Variants in BICC1 observed in about 807,000 individuals in gnomAD.
BICC1 encodes BicC family RNA binding protein 1.
BICC1 carries 43 observed loss-of-function variants against 111.0 expected under a neutral mutation model. That is an observed-to-expected ratio of 0.39 (90% CI 0.30 to 0.50). The LOEUF (loss-of-function observed/expected upper bound fraction) is 0.50. BICC1 is among the 20% of genes least tolerant of loss of function. The pLI is 0.88. For synonymous variants in BICC1, 467 were observed against 434.4 expected, an observed-to-expected ratio of 1.07 and a Z score of -0.93; for missense variants, 1,091 against 1,203.2, an observed-to-expected ratio of 0.91 and a Z score of 1.38.
intron 3 of BICC1, among the ~76,000 whole-genome samples, chr10:58,706,726 T>A (rs1406199737): frequency 2.0e-5 from 3 of 152,138 alleles, no homozygotes; most frequent in Non-Finnish European, 4.4e-5. Context: ...ACGCCCTCTC[T>A]CCCCTGCTGC....
At chr10:58,820,262 T>C (rs1564632233) in intron 19 of BICC1, 107 bp from the exon 20 acceptor site, 1 of 672,872 alleles carries the variant, frequency 1.5e-6, no homozygotes, top group Non-Finnish European at 2.5e-6. Flanking sequence ...TTTCTGGAAG[T>C]AGGCAGAGCA....
At chr10:58,770,060 C>T (rs1404787376) in intron 3 of BICC1, among the ~76,000 whole-genome samples, 3 of 152,060 alleles carry the variant, frequency 2.0e-5, no homozygotes, top group South Asian at 2.1e-4. Context: ...TTATAAATTT[C>T]GGTGTAATCT....
chr10:58,599,274 G>A (rs1338836312), intron 1 of BICC1, among the ~76,000 whole-genome samples: 16 of 152,128 alleles, frequency 1.1e-4, no homozygotes, highest in Non-Finnish European at 2.4e-4. Flanking sequence ...TAATAGACTG[G>A]ATAAAGAAAA....
rs558031043 is a variant in BICC1, at chr10:58,785,020, T to A, written c.327T>A (p.Ser109=). The A allele has an allele frequency of 3.8e-6, 6 of 1,595,044 alleles. No individual in the cohort carries two copies. In the South Asian group the frequency reaches 5.6e-5, roughly 15 times the overall value. The change falls in exon 4 of 21, where the codon TCT becomes TCA. Residue 109 remains serine, a synonymous_variant. Transcript: ENST00000373886. ...KSKKDPHIKV[S]GKKEDVKEAK... ...TTATAGATCCCCATATTAAGGTTTC[T>A]GGAAAGAAAGAAGATGTTAAAGAAG...
At chr10:58,819,107 C>G (rs1844181148) in intron 19 of BICC1, among the ~76,000 whole-genome samples, 1 of 152,114 alleles carries the variant, frequency 6.6e-6, no homozygotes, top group African/African-American at 2.4e-5. Flanking sequence ...GGAACACAGC[C>G]ACATTCATTT....
At chr10:58,655,684 C>T (rs1838618082) in intron 2 of BICC1, among the ~76,000 whole-genome samples, 2 of 100,762 alleles carry the variant, frequency 2.0e-5, no homozygotes, top group Admixed American at 1.2e-4. Flanking sequence ...TTTCCTTCTC[C>T]TGCCTAATTG....
rs536803239 is a variant in BICC1, at chr10:58,803,260, G to A, written c.2181+18G>A. 27 of 1,564,532 alleles carry A rather than the reference G, an allele frequency of 1.7e-5. 1 individual carries two copies. In the South Asian group the frequency reaches 3.2e-4, roughly 18 times the overall value. On this transcript the variant is annotated intron_variant, in intron 15 of 20. Transcript: ENST00000373886. ...ACATGCAGGTAATGGTAATAAAATA[G>A]GAAAGCCACTCAAATGTCATATGTT...
At chr10:58,685,168 A>G (rs1383416646) in intron 2 of BICC1, among the ~76,000 whole-genome samples, 1 of 152,104 alleles carries the variant, frequency 6.6e-6, no homozygotes, top group Non-Finnish European at 1.5e-5. Flanking sequence ...GTTTCTATGT[A>G]GTTGAGGGGT....
chr10:58,740,957 G>C (rs1841642696), intron 3 of BICC1, among the ~76,000 whole-genome samples: 2 of 152,204 alleles, frequency 1.3e-5, no homozygotes, highest in South Asian at 4.1e-4. Context: ...TAGGTGCCTG[G>C]ACTGTGAGAG....
intron 2 of BICC1, among the ~76,000 whole-genome samples, chr10:58,681,050 G>T (rs1839504836): frequency 6.6e-6 from 1 of 152,188 alleles, no homozygotes; most frequent in Admixed American, 6.5e-5. Flanking sequence ...TTAAATGTAA[G>T]ACCTAAAGCC....
At chr10:58,697,183 G>A (rs988160032) in intron 2 of BICC1, among the ~76,000 whole-genome samples, 7 of 152,094 alleles carry the variant, frequency 4.6e-5, no homozygotes, top group Admixed American at 1.3e-4. Context: ...AAACATTTTG[G>A]ACAACATATT....
intron 1 of BICC1, among the ~76,000 whole-genome samples, chr10:58,556,366 T>C (rs1160526401): frequency 2.0e-5 from 3 of 152,160 alleles, no homozygotes; most frequent in Non-Finnish European, 4.4e-5. Flanking sequence ...TTAAAAGTTA[T>C]TGAATTTCTT....
At chr10:58,801,895 A>C (rs1281351829) in intron 14 of BICC1, among the ~76,000 whole-genome samples, 1 of 152,166 alleles carries the variant, frequency 6.6e-6, no homozygotes, top group African/African-American at 2.4e-5. Flanking sequence ...TAGGCTAGAG[A>C]AACAGTTTTA....
chr10:58,752,638 G>A (rs1842020821), intron 3 of BICC1, among the ~76,000 whole-genome samples: 1 of 152,072 alleles, frequency 6.6e-6, no homozygotes, highest in African/African-American at 2.4e-5. Flanking sequence ...TATCTTAGAG[G>A]CACCGTTGAT....
intron 2 of BICC1, among the ~76,000 whole-genome samples, chr10:58,687,675 C>G (rs949234788): frequency 6.6e-6 from 1 of 152,176 alleles, no homozygotes; most frequent in African/African-American, 2.4e-5. Flanking sequence ...AAGCCTGGCA[C>G]GGGATATAAT....
At chr10:58,587,062 G>C (rs1003785721) in intron 1 of BICC1, among the ~76,000 whole-genome samples, 3 of 152,132 alleles carry the variant, frequency 2.0e-5, no homozygotes, top group African/African-American at 7.2e-5. Context: ...CATGAATATT[G>C]AGTGCCACGT....
At chr10:58,736,983 A>C (rs1282528548) in intron 3 of BICC1, among the ~76,000 whole-genome samples, 1 of 152,084 alleles carries the variant, frequency 6.6e-6, no homozygotes. Flanking sequence ...TTTTCACAAA[A>C]GTATGCTTTA....
intron 2 of BICC1, among the ~76,000 whole-genome samples, chr10:58,627,070 C>G (rs1413512156): frequency 6.6e-6 from 1 of 151,942 alleles, no homozygotes; most frequent in Non-Finnish European, 1.5e-5. Flanking sequence ...CCATTGCACT[C>G]CAGCCTGGGC....
intron 1 of BICC1, among the ~76,000 whole-genome samples, chr10:58,564,587 A>C (rs1178902013): frequency 6.6e-6 from 1 of 152,184 alleles, no homozygotes; most frequent in African/African-American, 2.4e-5. Flanking sequence ...GGGTAGAGAC[A>C]ACTATTACCT....
Sources: gnomAD v4.1 joint callset for allele counts (sites outside exome capture counted in the v4.1 genomes callset) on GRCh38, gnomAD v4.1.1 for gene constraint, MANE v1.5 for transcripts, NCBI Gene and HGNC (gene_info 2026-07-23, HGNC 2026-07-21) for gene names.